The following REV1 variants were observed in gnomAD, a reference collection of about 807,000 sequenced individuals.
REV1 encodes the protein REV1 DNA directed polymerase.
A neutral mutation model predicts 137.4 loss-of-function variants in REV1; 42 were observed. The observed-to-expected ratio is 0.31, with a 90% CI of 0.24 to 0.40. The LOEUF (loss-of-function observed/expected upper bound fraction) is 0.40, where lower values mean the gene tolerates loss of function less well. Among genes scored for constraint, REV1 ranks in the 10% least tolerant of loss-of-function variants. REV1 has a pLI of 1.00. For synonymous variants in REV1, 524 were observed against 519.2 expected, an observed-to-expected ratio of 1.01 and a Z score of -0.12; for missense variants, 1,282 against 1,490.1, an observed-to-expected ratio of 0.86 and a Z score of 2.30.
In REV1 at chr2:99,438,584, T is replaced by C; in HGVS notation, c.1213+17A>G. The C allele has an allele frequency of 6.3e-7, 1 of 1,580,048 alleles. No individual in the cohort carries two copies. Among genetic ancestry groups the C allele is most frequent in the East Asian group, 2.2e-5 (1 of 44,726 alleles). On this transcript the variant is annotated intron_variant, in intron 6 of 22. Transcript: ENST00000258428. ...GCATGACTGTTTCTTAAGAAGACAA[T>C]TTTAATAAGTATCTACCTGTGTCAG...
At chr2:99,453,388 T>G (rs906962358) in intron 3 of REV1, among the ~76,000 whole-genome samples, 1 of 151,830 alleles carries the variant, frequency 6.6e-6, no homozygotes. Flanking sequence ...TGTCAGCTCT[T>G]AACAATATTA....
At chr2:99,470,611 T>C (rs1432281730) in intron 1 of REV1, among the ~76,000 whole-genome samples, 2 of 152,230 alleles carry the variant, frequency 1.3e-5, no homozygotes, top group Non-Finnish European at 2.9e-5. Flanking sequence ...TCTTCCTTAT[T>C]TGAAGGTGTT....
chr2:99,431,847 A>G (rs1041181480), intron 8 of REV1: 2 of 985,336 alleles, frequency 2.0e-6, no homozygotes, highest in Middle Eastern at 1.0e-3. Flanking sequence ...CTGGAGGGCA[A>G]AGTAGAGAAC....
At chr2:99,438,149 A>C (rs28382886) in intron 6 of REV1, among the ~76,000 whole-genome samples, 11 of 152,368 alleles carry the variant, frequency 7.2e-5, no homozygotes, top group African/African-American at 2.6e-4. Flanking sequence ...GATGTGAAAT[A>C]ATCTCACTGA....
intron 14 of REV1, 66 bp downstream of exon 14, chr2:99,410,618 GTTTTCTTCATT>G: frequency 1.5e-6 from 2 of 1,305,442 alleles, no homozygotes; most frequent in Non-Finnish European, 2.1e-6. Flanking sequence ...CTCCTCCTTG[GTTTTCTTCATT>G]TTCTATTACT....
At chr2:99,461,020 G>GT (rs1684127088) in intron 3 of REV1, among the ~76,000 whole-genome samples, 2 of 86,684 alleles carry the variant, frequency 2.3e-5, no homozygotes, top group Non-Finnish European at 4.5e-5. Flanking sequence ...AAGAAGCAAT[G>GT]CCTGTTTTCA....
At chr2:99,480,236 C>T (rs1173453717) in intron 1 of REV1, among the ~76,000 whole-genome samples, 2 of 152,056 alleles carry the variant, frequency 1.3e-5, no homozygotes, top group Non-Finnish European at 2.9e-5. Flanking sequence ...GATGGGAGAA[C>T]TGCTTGAGCC....
chr2:99,438,567 G>A (rs1200965003), intron 6 of REV1, 34 bp downstream of exon 6: 30 of 1,506,068 alleles, frequency 2.0e-5, no homozygotes, highest in Non-Finnish European at 2.8e-5. Context: ...AAGCATGACT[G>A]TTTCTTAAGA....
At chr2:99,463,812 C>T (rs754095416) in intron 2 of REV1, among the ~76,000 whole-genome samples, 17 of 151,996 alleles carry the variant, frequency 1.1e-4, no homozygotes, top group South Asian at 2.1e-4. Flanking sequence ...TTAATAGAGA[C>T]GGGATTTCAC....
At position 99,438,641 on chromosome 2, in the gene REV1, T is replaced by A; in HGVS notation, c.1173A>T (p.Lys391Asn). 1 of 1,613,890 alleles carries A rather than the reference T, an allele frequency of 6.2e-7. No individual in the cohort carries two copies. The highest frequency in any genetic ancestry group is 1.1e-5 in the South Asian group (1 of 91,076). Residue 391 changes from lysine to asparagine, a missense_variant, in exon 6 of 23, where the codon AAA becomes AAT. By Grantham distance (94) the Lys-to-Asn change is moderately conservative. Transcript: ENST00000258428. ...GIFPGREKLK[K>N]MKTGRSALVV... ...CAAGTGCAGACCTGCCTGTTTTCAT[T>A]TTTTTTAACTTTTCCCTTCCTGGAA...
Position 99,424,193 on chromosome 2 carries a change from T to C in REV1, c.1635A>G (p.Ala545=). Reference sequence around the variant, plus strand: ...ACAATGTTTGTGCGACTTCCTTATATGCATGAAAATCGTATGGAACAGCTT... The same window carrying C: ...ACAATGTTTGTGCGACTTCCTTATACGCATGAAAATCGTATGGAACAGCTT... ...NLQAVPYDFH[A]YKEVAQTLYE... Residue 545 remains alanine, a synonymous_variant, in exon 10 of 23, where the codon GCA becomes GCG. Transcript: ENST00000258428. 6.2e-7 allele frequency: 1 copy of C among 1,614,050 alleles called. No homozygotes were observed. The highest frequency in any genetic ancestry group is 1.7e-5 in the Admixed American group (1 of 60,030).
At chr2:99,434,776 C>T (rs1680525629) in intron 7 of REV1, among the ~76,000 whole-genome samples, 1 of 152,144 alleles carries the variant, frequency 6.6e-6, no homozygotes, top group Admixed American at 6.5e-5. Context: ...TAGATTCAGA[C>T]TTAAGTAGTG....
chr2:99,421,491 A>G lies in REV1; in HGVS notation c.1831+8T>C. The G allele has an allele frequency of 6.2e-7, 1 of 1,613,132 alleles. No homozygotes were observed. The highest frequency in any genetic ancestry group is 2.2e-5 in the East Asian group (1 of 44,864). Reference sequence around the variant, plus strand: ...CTCTTTTGAGTACAAGATAAGCTAGATACTAACCAATTCCAACAGAGGCAG... The same window carrying G: ...CTCTTTTGAGTACAAGATAAGCTAGGTACTAACCAATTCCAACAGAGGCAG... On this transcript the variant is annotated splice_region_variant and intron_variant, in intron 11 of 22. Transcript: ENST00000258428.
intron 4 of REV1, among the ~76,000 whole-genome samples, chr2:99,448,801 C>G (rs897936097): frequency 2.6e-5 from 4 of 152,172 alleles, no homozygotes; most frequent in Non-Finnish European, 5.9e-5. Context: ...TCCACCTTCT[C>G]CCATAACTGC....
chr2:99,469,230 T>C lies in REV1; in HGVS notation c.-10-4245A>G, dbSNP rs1489103307. On this transcript the variant is annotated intron_variant, in intron 1 of 22. Coordinates refer to ENST00000258428, the MANE Select transcript of REV1 (RefSeq NM_016316.4). ...CATGCTTTTTTTCCCCCGTAAGTTT[T>C]AGGTTTAGGGTCTGAACAAGATTGT... Among the ~76,000 whole-genome samples the C allele has an allele frequency of 2.6e-5, 4 of 152,172 alleles. No individual in the cohort carries two copies. In the East Asian group the frequency reaches 7.7e-4, roughly 29 times the overall value.
At chr2:99,490,085 C>CCGGCCCCGCCCACGCCCTCTCCG (rs555877839), upstream of REV1, 2 of 144,640 alleles carry the variant, frequency 1.4e-5, no homozygotes, top group Admixed American at 1.4e-4. Flanking sequence ...CGCGCGCTCC[C>CCGGCCCCGCCCACGCCCTCTCCG]CGGCCCCGCT....
In REV1 at chr2:99,400,747, G is replaced by A. The variant is rs1168652055; in HGVS notation, c.*494C>T. The A allele has an allele frequency of 1.3e-5, 2 of 152,528 alleles. No homozygotes were observed. The highest frequency in any genetic ancestry group is 4.8e-5 in the African/African-American group (2 of 41,434). 9.4% of individuals were successfully genotyped at this position (152,528 alleles called of 1,614,324 possible). A position where few individuals can be genotyped will look rare whatever the true frequency, so the allele number is the denominator to read the frequency against. On this transcript the variant is annotated 3_prime_UTR_variant, in exon 23 of 23. Coordinates refer to ENST00000258428, the MANE Select transcript of REV1 (RefSeq NM_016316.4). ...AAAGATTTTCTTAACATGCTCCTGT[G>A]TTCATGCTTGGAGACAAGAATAAGA...
intron 3 of REV1, among the ~76,000 whole-genome samples, chr2:99,456,040 C>T (rs1400380620): frequency 6.6e-6 from 1 of 152,148 alleles, no homozygotes; most frequent in African/African-American, 2.4e-5. Context: ...AACCACTGTC[C>T]ACTAAGTCTG....
At chr2:99,439,341 A>C (rs1681178030) in intron 5 of REV1, 31 bp from the exon 6 acceptor site, 3 of 1,493,852 alleles carry the variant, frequency 2.0e-6, no homozygotes, top group Non-Finnish European at 2.8e-6. Context: ...TGAGTTAATA[A>C]TATCTGACTT....
Sources: gnomAD v4.1 joint callset for allele counts (sites outside exome capture counted in the v4.1 genomes callset) on GRCh38, gnomAD v4.1.1 for gene constraint, MANE v1.5 for transcripts, NCBI Gene and HGNC (gene_info 2026-07-23, HGNC 2026-07-21) for gene names.